ANKRD12: variants seen among roughly 807,000 people sequenced by gnomAD.
The protein encoded by ANKRD12 is ankyrin repeat domain 12.
ANKRD12 carries 85 observed loss-of-function variants against 183.4 expected under a neutral mutation model. That is an observed-to-expected ratio of 0.46 (90% confidence interval 0.39 to 0.56). ANKRD12 has a LOEUF of 0.56. Among genes scored for constraint, ANKRD12 ranks in the 20% least tolerant of loss-of-function variants. ANKRD12 has a pLI of 0.00. For synonymous variants in ANKRD12, 914 were observed against 800.2 expected (o/e 1.14, Z -2.40); for missense variants, 2,405 against 2,357.1 (o/e 1.02, Z -0.42).
At chr18:9,201,809 GT>G (rs199958095) in intron 3 of ANKRD12, among the ~76,000 whole-genome samples, 1,938 of 148,398 alleles carry the variant, frequency 0.013, 48 homozygotes, top group African/African-American at 0.046. Context: ...TAAGCAAATA[GT>G]TTACTAGTTT....
chr18:9,241,412 C>G (rs1246531973), intron 8 of ANKRD12, among the ~76,000 whole-genome samples: 1 of 152,032 alleles, frequency 6.6e-6, no homozygotes, highest in African/African-American at 2.4e-5. Flanking sequence ...GATAATAGTT[C>G]AAGTCTCGTA....
Position 9,263,860 on chromosome 18 carries a change from A to C in ANKRD12, c.5735A>C (p.Lys1912Thr). Residue 1912 changes from lysine (K) to threonine (T), a missense_variant, in exon 10 of 13, where the codon AAA becomes ACA. Physicochemically the swap from Lys to Thr is moderately conservative, Grantham distance 78 (BLOSUM62 -1). This residue lies in a region of ANKRD12 where 162 missense variants were observed against 272.2 expected (regional missense o/e 0.60). Transcript: ENST00000262126. ...CGACAACAGGAAGTTGTAAGGATGA[A>C]ACTACGTTTGCAACACAGTATTGAA... is the stretch of plus-strand genomic sequence containing the variant. ...LFRQQEVVRM[K>T]LRLQHSIERE... The C allele has an allele frequency of 6.6e-7, 1 of 1,511,340 alleles. No individual in the cohort carries two copies. Among genetic ancestry groups the C allele is most frequent in the Non-Finnish European group, 9.1e-7 (1 of 1,094,248 alleles). The allele number at this position is 1,511,340 out of a possible 1,614,324, so 93.6% of individuals were successfully genotyped here.
intron 1 of ANKRD12, among the ~76,000 whole-genome samples, chr18:9,167,002 G>A (rs1265987168): frequency 6.6e-6 from 1 of 152,126 alleles, no homozygotes; most frequent in African/African-American, 2.4e-5. Flanking sequence ...GTTTTTCTCA[G>A]GTTTGTCAAA....
chr18:9,207,833 A>G (rs2035573242), intron 4 of ANKRD12, among the ~76,000 whole-genome samples: 1 of 152,166 alleles, frequency 6.6e-6, no homozygotes, highest in South Asian at 2.1e-4. Flanking sequence ...GGTTGCACAG[A>G]GCACCTGCCT....
At chr18:9,246,942 A>G (rs552329918) in intron 8 of ANKRD12, among the ~76,000 whole-genome samples, 47 of 151,232 alleles carry the variant, frequency 3.1e-4, no homozygotes, top group African/African-American at 1.1e-3. Flanking sequence ...GTGACTTTGC[A>G]CTACACCAGG....
chr18:9,256,755 G>A lies in ANKRD12; in HGVS notation c.3488G>A (p.Arg1163Lys). 1.2e-6 allele frequency: 2 copies of A among 1,613,778 alleles called. No homozygotes were observed. The highest frequency in any genetic ancestry group is 1.1e-5 in the South Asian group (1 of 91,016). ...CAACCTAAAGATGCTGTAAGTAACA[G>A]ATCACAATCTGTTGACACCAAAAAT... The part of the protein sequence containing the change: ...EKQPKDAVSN[R>K]SQSVDTKNVM... The change falls in exon 9 of 13, where the codon AGA becomes AAA. Residue 1163 changes from arginine (R) to lysine (K), a missense_variant. Physicochemically the swap from Arg to Lys is conservative, Grantham distance 26. Coordinates refer to ENST00000262126, the MANE Select transcript of ANKRD12 (RefSeq NM_015208.5).
intron 1 of ANKRD12, among the ~76,000 whole-genome samples, chr18:9,176,488 A>G (rs913267585): frequency 1.3e-5 from 2 of 151,832 alleles, no homozygotes; most frequent in African/African-American, 4.8e-5. Context: ...GCGGGGTTTC[A>G]CCATGTTGCC....
intron 8 of ANKRD12, among the ~76,000 whole-genome samples, chr18:9,248,036 C>T (rs1446775455): frequency 6.6e-6 from 1 of 152,218 alleles, no homozygotes; most frequent in Non-Finnish European, 1.5e-5. Context: ...GATGAGCCCA[C>T]GTCGGCCTCC....
chr18:9,257,289 A>T lies in ANKRD12; in HGVS notation c.4022A>T (p.Asp1341Val). Residue 1341 changes from aspartate (D) to valine (V), a missense_variant, in exon 9 of 13, where the codon GAT becomes GTT. Transcript: ENST00000262126. ...GGTAGCTTATTAACTGTGCCAGGAGATACTAGTCCTTCTCCCAAACCTGAG... is the reference window on the plus strand; with the variant it reads ...GGTAGCTTATTAACTGTGCCAGGAGTTACTAGTCCTTCTCCCAAACCTGAG... ...NQGSLLTVPGDTSPSPKPEVF... is the reference protein window; with the variant it reads ...NQGSLLTVPGVTSPSPKPEVF... The T allele has an allele frequency of 6.2e-7, 1 of 1,614,146 alleles. No individual in the cohort carries two copies.
At chr18:9,264,719 C>T (rs548897368) in intron 10 of ANKRD12, among the ~76,000 whole-genome samples, 1 of 152,264 alleles carries the variant, frequency 6.6e-6, no homozygotes, top group East Asian at 1.9e-4. Flanking sequence ...AATTTGTTAG[C>T]AATAAGAAGT....
At chr18:9,169,891 C>A (rs972674901) in intron 1 of ANKRD12, among the ~76,000 whole-genome samples, 44 of 152,082 alleles carry the variant, frequency 2.9e-4, no homozygotes, top group Non-Finnish European at 5.9e-4. Context: ...TTCAGGAGCT[C>A]TTTTAGGGCA....
intron 10 of ANKRD12, among the ~76,000 whole-genome samples, chr18:9,266,796 G>T (rs909045228): frequency 2.6e-5 from 4 of 151,500 alleles, no homozygotes; most frequent in African/African-American, 9.7e-5. Context: ...TGGGCTAAAT[G>T]CTCCAATTAA....
At position 9,258,473 on chromosome 18, in the gene ANKRD12, A is replaced by C. The variant is rs1370475695; in HGVS notation, c.5206A>C (p.Thr1736Pro). The C allele has an allele frequency of 6.2e-7, 1 of 1,613,688 alleles. No homozygotes were observed. Among genetic ancestry groups the C allele is most frequent in the East Asian group, 2.2e-5 (1 of 44,868 alleles). The change falls in exon 9 of 13, where the codon ACT (threonine) becomes CCT (proline). Residue 1736 changes from threonine to proline, a missense_variant. Physicochemically the swap from Thr to Pro is conservative, Grantham distance 38. Around this residue, in one of 7 missense-constraint regions of ANKRD12, gnomAD observed 1,983 missense variants for 1,725.9 expected, o/e 1.15. Transcript: ENST00000262126. ...KTENQIPQRM[T>P]RNKANTMANQ... ...TGAAAACCAAATCCCTCAAAGAATG[A>C]CTAGAAACAAAGCAAATACAATGGC...
At position 9,256,089 on chromosome 18, in the gene ANKRD12, G is replaced by A; in HGVS notation, c.2822G>A (p.Ser941Asn). The A allele has an allele frequency of 6.4e-7, 1 of 1,563,082 alleles. No homozygotes were observed. Among genetic ancestry groups the A allele is most frequent in the Non-Finnish European group, 8.6e-7 (1 of 1,161,750 alleles). ...AAAAAAAATAAACAATCAGATAATA[G>A]TGAATACAGTAAATCAGAAAAAGGC... is the stretch of plus-strand genomic sequence containing the variant. ...MEKKNKQSDN[S>N]EYSKSEKGKN... The change falls in exon 9 of 13, where the codon AGT becomes AAT. Residue 941 changes from serine to asparagine, a missense_variant. Transcript: ENST00000262126.
chr18:9,265,005 C>T (rs894606894), intron 10 of ANKRD12, among the ~76,000 whole-genome samples: 8 of 152,376 alleles, frequency 5.3e-5, no homozygotes, highest in Admixed American at 1.3e-4. Flanking sequence ...GAGAGTGCTA[C>T]GCCCACGGAG....
chr18:9,140,362 G>A (rs2143296395), intron 1 of ANKRD12, among the ~76,000 whole-genome samples: 1 of 152,252 alleles, frequency 6.6e-6, no homozygotes, highest in East Asian at 1.9e-4. Context: ...GATAACTCCT[G>A]TAGATACATT....
At chr18:9,139,822 T>G (rs903481490) in intron 1 of ANKRD12, among the ~76,000 whole-genome samples, 1 of 152,240 alleles carries the variant, frequency 6.6e-6, no homozygotes, top group African/African-American at 2.4e-5. Context: ...ATTTTCTTTA[T>G]TCATTTCCTT....
At chr18:9,267,251 C>G (rs892650640) in intron 10 of ANKRD12, among the ~76,000 whole-genome samples, 2 of 152,130 alleles carry the variant, frequency 1.3e-5, no homozygotes, top group South Asian at 2.1e-4. Context: ...GAATTGAACT[C>G]AGCTCTGCAC....
At chr18:9,274,576 T>C (rs921980401) in intron 10 of ANKRD12, among the ~76,000 whole-genome samples, 3 of 152,218 alleles carry the variant, frequency 2.0e-5, no homozygotes, top group African/African-American at 7.2e-5. Context: ...GAATGACTGC[T>C]GATGGGTAGC....
Sources: gnomAD v4.1 joint callset for allele counts (sites outside exome capture counted in the v4.1 genomes callset) on GRCh38, gnomAD v4.1.1 for gene constraint, gnomAD v4.1.1 regional missense constraint, MANE v1.5 for transcripts, NCBI Gene and HGNC (gene_info 2026-07-23, HGNC 2026-07-21) for gene names.